The following DCC variants were observed in gnomAD, a reference collection of about 807,000 sequenced individuals.
DCC encodes netrin receptor DCC.
A neutral mutation model predicts 172.5 loss-of-function variants in DCC; 58 were observed. The observed-to-expected ratio is 0.34, with a 90% confidence interval of 0.27 to 0.42. The LOEUF (loss-of-function observed/expected upper bound fraction) is 0.42, where lower values mean the gene tolerates loss of function less well. DCC is among the 10% of genes least tolerant of loss of function. The pLI is 1.00. For missense variants in DCC, 1,740 were observed against 1,791.0 expected (o/e 0.97, Z 0.51); for synonymous variants, 709 against 644.5 (o/e 1.10, Z -1.52).
intron 1 of DCC, among the ~76,000 whole-genome samples, chr18:52,595,686 G>A (rs546766708): frequency 1.4e-4 from 22 of 152,268 alleles, no homozygotes; most frequent in Non-Finnish European, 2.6e-4. Context: ...TTCTTATAGT[G>A]TTTGCATTTT....
At position 53,428,388 on chromosome 18, in the gene DCC, T is replaced by C. The variant is rs1444359381; in HGVS notation, c.3164-6756T>C. Among the ~76,000 whole-genome samples, 49 of 54,858 alleles carry C rather than the reference T, an allele frequency of 8.9e-4. 4 individuals are homozygous for C. Among genetic ancestry groups the C allele is most frequent in the African/African-American group, 2.4e-3 (42 of 17,458 alleles). 36.0% of individuals were successfully genotyped at this position (54,858 alleles called of 152,430 possible). A position where few individuals can be genotyped will look rare whatever the true frequency, so the allele number is the denominator to read the frequency against. ...TAATATAATATTATAATATATTGTATATAATATAATATAATATATTACATA... is the reference window on the plus strand; with the variant it reads ...TAATATAATATTATAATATATTGTACATAATATAATATAATATATTACATA... On this transcript the variant is annotated intron_variant, in intron 21 of 28. Coordinates refer to ENST00000442544, the MANE Select transcript of DCC (RefSeq NM_005215.4).
chr18:52,882,529 T>C (rs1401921797), intron 2 of DCC, among the ~76,000 whole-genome samples: 1 of 152,154 alleles, frequency 6.6e-6, no homozygotes, highest in African/African-American at 2.4e-5. Flanking sequence ...TTCTTCTTGA[T>C]TCAGGAGCAT....
intron 5 of DCC, among the ~76,000 whole-genome samples, chr18:53,032,454 A>G (rs184607727): frequency 6.6e-6 from 1 of 152,248 alleles, no homozygotes; most frequent in Admixed American, 6.5e-5. Flanking sequence ...TGTTTTGACA[A>G]ACATATTTTG....
At chr18:53,012,583 G>T (rs1453904480) in intron 5 of DCC, among the ~76,000 whole-genome samples, 1 of 151,954 alleles carries the variant, frequency 6.6e-6, no homozygotes, top group East Asian at 1.9e-4. Context: ...GATTTTGTTG[G>T]TGTAGACATA....
At chr18:53,083,622 C>G (rs2042836650) in intron 7 of DCC, among the ~76,000 whole-genome samples, 1 of 152,022 alleles carries the variant, frequency 6.6e-6, no homozygotes, top group Non-Finnish European at 1.5e-5. Context: ...CTTGGCTATT[C>G]AAAATAAATT....
intron 7 of DCC, among the ~76,000 whole-genome samples, chr18:53,071,565 CAT>C (rs1332413594): frequency 1.3e-5 from 2 of 152,164 alleles, no homozygotes; most frequent in Non-Finnish European, 2.9e-5. Context: ...TTCCTGCACA[CAT>C]GAGACTTTGC....
At chr18:52,894,242 T>C (rs143892804) in intron 2 of DCC, among the ~76,000 whole-genome samples, 35 of 152,230 alleles carry the variant, frequency 2.3e-4, no homozygotes, top group African/African-American at 8.2e-4. Flanking sequence ...CGCTATGCTA[T>C]ATATTTGCCT....
intron 5 of DCC, among the ~76,000 whole-genome samples, chr18:52,944,382 G>C (rs1424484768): frequency 6.6e-6 from 1 of 152,126 alleles, no homozygotes; most frequent in Non-Finnish European, 1.5e-5. Context: ...CTCAGGACCT[G>C]GAACTGCAGC....
At chr18:52,997,178 GAGAAGGAA>G (rs2041495684) in intron 5 of DCC, among the ~76,000 whole-genome samples, 1 of 152,064 alleles carries the variant, frequency 6.6e-6, no homozygotes, top group African/African-American at 2.4e-5. Context: ...TCTGCATCTG[GAGAAGGAA>G]ATTGAGGAAT....
intron 12 of DCC, among the ~76,000 whole-genome samples, chr18:53,251,819 A>T (rs184094955): frequency 6.6e-5 from 10 of 152,044 alleles, no homozygotes; most frequent in African/African-American, 2.4e-4. Flanking sequence ...ATGACTTGTC[A>T]TCTTCAGTAT....
rs1399816006 is a variant in DCC at position 53,410,912 on chromosome 18, C to T, written c.3130+266C>T. On this transcript the variant is annotated intron_variant, in intron 20 of 28. Transcript: ENST00000442544. The stretch of plus-strand genomic sequence containing the variant: ...TTTATTGATGTCATGTATATTGGTT[C>T]TATTCAAAATATAATGAAATGCTTC... Among the ~76,000 whole-genome samples the T allele has an allele frequency of 2.0e-5, 3 of 152,104 alleles. No homozygotes were observed. In the East Asian group the frequency reaches 5.8e-4, roughly 29 times the overall value.
At chr18:52,439,647 G>T (rs1987912789) in intron 1 of DCC, among the ~76,000 whole-genome samples, 1 of 152,172 alleles carries the variant, frequency 6.6e-6, no homozygotes, top group Non-Finnish European at 1.5e-5. Context: ...CTGTTAAATA[G>T]CAGACCTCTT....
intron 15 of DCC, among the ~76,000 whole-genome samples, chr18:53,351,459 ACAGT>A (rs1367242935): frequency 2.7e-5 from 1 of 37,072 alleles, no homozygotes; most frequent in East Asian, 7.8e-4. Context: ...ATATATATAC[ACAGT>A]GTGTATATAT....
chr18:52,909,670 C>G (rs894771129), intron 3 of DCC, among the ~76,000 whole-genome samples: 1 of 152,116 alleles, frequency 6.6e-6, no homozygotes, highest in African/African-American at 2.4e-5. Flanking sequence ...TTTTAAAGTG[C>G]TGTCTTTCAG....
intron 1 of DCC, among the ~76,000 whole-genome samples, chr18:52,349,345 A>G (rs1404915400): frequency 6.6e-6 from 1 of 152,190 alleles, no homozygotes; most frequent in Admixed American, 6.5e-5. Context: ...AGGCTGAGAC[A>G]TCTAAGCAAA....
intron 12 of DCC, among the ~76,000 whole-genome samples, chr18:53,292,041 T>G (rs564184577): frequency 5.9e-5 from 9 of 151,708 alleles, no homozygotes; most frequent in Non-Finnish European, 1.3e-4. Context: ...TCCAGGAGCT[T>G]AAAAAAAGAA....
intron 1 of DCC, among the ~76,000 whole-genome samples, chr18:52,477,659 T>A (rs1349121593): frequency 6.6e-6 from 1 of 152,060 alleles, no homozygotes; most frequent in Non-Finnish European, 1.5e-5. Context: ...CAACACCCCA[T>A]CTCACAAACC....
At chr18:53,028,332 T>C (rs2143948057) in intron 5 of DCC, among the ~76,000 whole-genome samples, 1 of 152,310 alleles carries the variant, frequency 6.6e-6, no homozygotes, top group South Asian at 2.1e-4. Flanking sequence ...TTAAAAATTG[T>C]ATTTAATAAT....
intron 12 of DCC, among the ~76,000 whole-genome samples, chr18:53,293,884 C>T (rs1303254841): frequency 2.6e-5 from 4 of 152,142 alleles, no homozygotes; most frequent in African/African-American, 9.7e-5. Context: ...GCCTACCAGA[C>T]TCTCAAATTA....
Sources: allele counts gnomAD v4.1 joint callset (sites outside exome capture counted in the v4.1 genomes callset), GRCh38; gene constraint gnomAD v4.1.1; transcripts MANE v1.5; gene names NCBI Gene and HGNC (gene_info 2026-07-23, HGNC 2026-07-21).